PCDH11X: variants seen among roughly 807,000 people sequenced by gnomAD.
PCDH11X encodes the protein protocadherin 11 X-linked.
A neutral mutation model predicts 53.3 loss-of-function variants in PCDH11X; 18 were observed. The observed-to-expected ratio is 0.34, with a 90% confidence interval of 0.23 to 0.50. The LOEUF (loss-of-function observed/expected upper bound fraction) is 0.50. Ranked by LOEUF, PCDH11X falls within the 20% of genes least tolerant of loss-of-function variation. The pLI, the probability that PCDH11X is intolerant of heterozygous loss-of-function variation, is 0.98. For synonymous variants in PCDH11X, 279 were observed against 393.3 expected (o/e 0.71, Z 3.44); for missense variants, 570 against 1,032.4 (o/e 0.55, Z 6.14).
At chrX:92,272,376 C>T (rs1198465743) in intron 8 of PCDH11X, among the ~76,000 whole-genome samples, 1 of 111,780 alleles carries the variant, frequency 8.9e-6, no homozygotes, top group Non-Finnish European at 1.9e-5. Context: ...CTGGACAAGT[C>T]TCCTGCTTAA....
chrX:92,368,091 C>T (rs1348375227), intron 8 of PCDH11X, among the ~76,000 whole-genome samples: 2 of 100,916 alleles, frequency 2.0e-5, no homozygotes, highest in Non-Finnish European at 4.0e-5. Context: ...AGTGTGTTTC[C>T]CAACTTGGTT....
At chrX:92,119,501 A>T (rs1219666478) in intron 6 of PCDH11X, among the ~76,000 whole-genome samples, 1 of 110,914 alleles carries the variant, frequency 9.0e-6, no homozygotes, top group Non-Finnish European at 1.9e-5. Flanking sequence ...TTTGAAGTAC[A>T]TTATTGGGTA....
intron 7 of PCDH11X, among the ~76,000 whole-genome samples, chrX:92,232,755 C>G (rs926129164): frequency 1.8e-5 from 2 of 112,190 alleles, no homozygotes; most frequent in Non-Finnish European, 3.8e-5. Context: ...CTCGTTTTGT[C>G]GCCCAGGCTG....
At chrX:92,231,863 G>A (rs894663948) in intron 7 of PCDH11X, among the ~76,000 whole-genome samples, 27 of 111,771 alleles carry the variant, frequency 2.4e-4, no homozygotes, top group African/African-American at 3.3e-4. Context: ...ATCTCAGTCC[G>A]TAGTAGCGCT....
intron 10 of PCDH11X, among the ~76,000 whole-genome samples, chrX:92,579,911 T>C (rs184615422): frequency 0.067 from 7,397 of 110,559 alleles, 624 homozygotes; most frequent in African/African-American, 0.23. Context: ...TGCTGAACTT[T>C]GGATGGAGTT....
chrX:92,170,071 G>A (rs1455959437), intron 6 of PCDH11X, among the ~76,000 whole-genome samples: 2 of 110,465 alleles, frequency 1.8e-5, no homozygotes, highest in African/African-American at 3.3e-5. Flanking sequence ...GATATATTTT[G>A]TATAAAAATA....
chrX:92,598,965 A>C (rs1237482285), intron 10 of PCDH11X, among the ~76,000 whole-genome samples: 2 of 110,292 alleles, frequency 1.8e-5, no homozygotes, highest in African/African-American at 6.6e-5. Flanking sequence ...GTTCTCAATT[A>C]TTTGTGAGAT....
intron 6 of PCDH11X, among the ~76,000 whole-genome samples, chrX:92,017,077 A>T (rs1364348904): frequency 9.9e-6 from 1 of 101,165 alleles, no homozygotes; most frequent in Non-Finnish European, 2.0e-5. Context: ...TTCACGTCGC[A>T]GTCAGAACAG....
At chrX:92,495,333 A>G (rs1271446160) in intron 10 of PCDH11X, among the ~76,000 whole-genome samples, 2 of 108,645 alleles carry the variant, frequency 1.8e-5, no homozygotes, top group Non-Finnish European at 3.8e-5. Context: ...CTTATATGCT[A>G]TTCTGTTTGA....
chrX:92,210,230 C>CTTTTT (rs146233770), intron 7 of PCDH11X, among the ~76,000 whole-genome samples: 2 of 41,074 alleles, frequency 4.9e-5, no homozygotes, highest in African/African-American at 2.0e-4. Flanking sequence ...AGAAAATGGG[C>CTTTTT]TTTTTTTTTT....
At chrX:92,341,601 C>T (rs2069761264) in intron 8 of PCDH11X, among the ~76,000 whole-genome samples, 1 of 110,942 alleles carries the variant, frequency 9.0e-6, no homozygotes, top group Admixed American at 9.6e-5. Flanking sequence ...ATGGCCAGGG[C>T]AGGAGCAAGT....
chrX:92,563,047 GTTTTTTTTTTTTTTTTTTTTTT>G (rs61411325), intron 10 of PCDH11X, among the ~76,000 whole-genome samples: 1 of 43,859 alleles, frequency 2.3e-5, no homozygotes, highest in African/African-American at 9.6e-5. Flanking sequence ...CCTTGGTACC[GTTTTTTTTTTTTTTTTTTTTTT>G]TTTTTTTTTT....
chrX:91,998,262 T>G (rs5984847), intron 6 of PCDH11X, among the ~76,000 whole-genome samples: 3,569 of 109,906 alleles, frequency 0.032, 124 homozygotes, highest in African/African-American at 0.11. Context: ...TAATTCTGTC[T>G]TGGTAAGTTG....
intron 4 of PCDH11X, among the ~76,000 whole-genome samples, chrX:91,818,462 G>C (rs1157251697): frequency 1.8e-5 from 2 of 110,565 alleles, no homozygotes; most frequent in Non-Finnish European, 3.8e-5. Flanking sequence ...CACTTTGGGA[G>C]GCTGAGGCCG....
intron 9 of PCDH11X, among the ~76,000 whole-genome samples, chrX:92,425,393 A>G (rs1200534702): frequency 9.3e-6 from 1 of 107,052 alleles, no homozygotes; most frequent in Non-Finnish European, 1.9e-5. Flanking sequence ...TGTATGTGTG[A>G]TATGTGTGTA....
At chrX:91,851,752 C>G (rs1303774131) in intron 5 of PCDH11X, among the ~76,000 whole-genome samples, 1 of 111,601 alleles carries the variant, frequency 9.0e-6, no homozygotes, top group Non-Finnish European at 1.9e-5. Flanking sequence ...TTTACATAAA[C>G]CCAAGTATTA....
At chrX:92,374,210 A>T (rs1039464335) in intron 8 of PCDH11X, among the ~76,000 whole-genome samples, 3 of 109,805 alleles carry the variant, frequency 2.7e-5, no homozygotes, top group African/African-American at 9.9e-5. Context: ...TCAGAAATGA[A>T]TCATGGAACT....
intron 6 of PCDH11X, among the ~76,000 whole-genome samples, chrX:92,017,213 G>A (rs189895399): frequency 0.015 from 1,655 of 109,854 alleles, 26 homozygotes; most frequent in African/African-American, 0.051. Context: ...AACAAAAAGT[G>A]TAACTAGATT....
chrX:92,409,642 A>G lies in PCDH11X; in HGVS notation c.3343+21709A>G, dbSNP rs191243430. Among the ~76,000 whole-genome samples, 14 of 112,232 alleles carry G rather than the reference A, an allele frequency of 1.2e-4. No individual in the cohort carries two copies. In the East Asian group the frequency reaches 3.9e-3, roughly 32 times the overall value. On this transcript the variant is annotated intron_variant, in intron 9 of 10. Transcript: ENST00000682573. ...CTTCCCTAGGTCTGGATTACACACAATTTCAAACCTTGTGGTTTATAAAAT... is the reference window on the plus strand; with the variant it reads ...CTTCCCTAGGTCTGGATTACACACAGTTTCAAACCTTGTGGTTTATAAAAT...
Sources: gnomAD v4.1 joint callset for allele counts (sites outside exome capture counted in the v4.1 genomes callset) on GRCh38, gnomAD v4.1.1 for gene constraint, MANE v1.5 for transcripts, NCBI Gene and HGNC (gene_info 2026-07-23, HGNC 2026-07-21) for gene names.